Variants in TRPM3 observed in about 807,000 individuals in gnomAD.
The protein encoded by TRPM3 is transient receptor potential cation channel subfamily M member 3.
Under a neutral mutation model 181.2 loss-of-function variants are expected in TRPM3, and 77 were observed. The observed-to-expected ratio is 0.42, with a 90% CI of 0.35 to 0.51. The LOEUF (loss-of-function observed/expected upper bound fraction) is 0.51, where lower values mean the gene tolerates loss of function less well. TRPM3 is among the 20% of genes least tolerant of loss of function. The pLI, the probability that TRPM3 is intolerant of heterozygous loss-of-function variation, is 0.01. For missense variants in TRPM3, 1,759 were observed against 2,196.7 expected (o/e 0.80, Z 3.98); for synonymous variants, 745 against 796.4 (o/e 0.94, Z 1.09).
At chr9:70,670,177 C>A (rs1224881786) in intron 9 of TRPM3, among the ~76,000 whole-genome samples, 1 of 152,084 alleles carries the variant, frequency 6.6e-6, no homozygotes, top group Non-Finnish European at 1.5e-5. Context: ...TCATACCTAC[C>A]AGTTTGCCTG....
chr9:71,085,840 T>C (rs1262713553), intron 1 of TRPM3, among the ~76,000 whole-genome samples: 1 of 152,072 alleles, frequency 6.6e-6, no homozygotes, highest in African/African-American at 2.4e-5. Context: ...GCAATTCCAT[T>C]GCTGGTTATA....
intron 1 of TRPM3, among the ~76,000 whole-genome samples, chr9:71,349,995 ATATATATG>A (rs1287440469): frequency 0.019 from 451 of 23,814 alleles, 5 homozygotes; most frequent in Non-Finnish European, 0.024. Flanking sequence ...ATATATATAT[ATATATATG>A]GGCCTAAAAA....
Position 70,974,332 on chromosome 9 carries a change from G to A in TRPM3, c.178-109821C>T, listed in dbSNP as rs1590207107. 2.0e-5 allele frequency among the ~76,000 whole-genome samples: 3 copies of A among 152,230 alleles called. 1 individual carries two copies. Among genetic ancestry groups the A allele is most frequent in the Non-Finnish European group, 1.5e-5 (1 of 68,022 alleles). On this transcript the variant is annotated intron_variant, in intron 1 of 25. Coordinates refer to ENST00000677713, the MANE Select transcript of TRPM3 (RefSeq NM_001366145.2). ...AGGCGGGGGGATCACGAGGTCAGGAGATCGAGACCAGCCTGGCTAACACGG... is the reference window on the plus strand; with the variant it reads ...AGGCGGGGGGATCACGAGGTCAGGAAATCGAGACCAGCCTGGCTAACACGG...
rs201639927 is a variant in TRPM3 at position 70,621,288 on chromosome 9, G to A, written c.1810-15C>T. The stretch of plus-strand genomic sequence containing the variant: ...AAGGCTTTGGGCTGTTAAAAAAAAC[G>A]TTGTGAACAAAGTTAGATCAGTTAG... On this transcript the variant is annotated splice_polypyrimidine_tract_variant and intron_variant, in intron 14 of 25. Transcript: ENST00000677713. 759 of 1,593,512 alleles carry A rather than the reference G, an allele frequency of 4.8e-4. 1 individual carries two copies. Among genetic ancestry groups the A allele is most frequent in the Non-Finnish European group, 5.9e-4 (695 of 1,168,704 alleles).
At chr9:70,575,092 C>T (rs2053568979) in intron 22 of TRPM3, among the ~76,000 whole-genome samples, 1 of 148,116 alleles carries the variant, frequency 6.8e-6, no homozygotes, top group African/African-American at 2.5e-5. Context: ...CAGGTGTGTG[C>T]CACCACATCC....
At chr9:70,863,171 TA>T in intron 2 of TRPM3, 59 bp from the exon 3 acceptor site, 1 of 1,440,706 alleles carries the variant, frequency 6.9e-7, no homozygotes, top group Non-Finnish European at 9.6e-7. Flanking sequence ...GATACACACT[TA>T]AGGCAACCAG....
chr9:70,984,592 C>T lies in TRPM3; in HGVS notation c.178-120081G>A, dbSNP rs959787643. On this transcript the variant is annotated intron_variant, in intron 1 of 25. Coordinates refer to ENST00000677713, the MANE Select transcript of TRPM3 (RefSeq NM_001366145.2). ...GTGAAATGGGCCAGTGACCAGAAAA[C>T]AGATATTCTCAAGGATTATGCACAA... Among the ~76,000 whole-genome samples, 5 of 152,262 alleles carry T rather than the reference C, an allele frequency of 3.3e-5. No individual in the cohort carries two copies. The East Asian group carries it at 7.7e-4, about 23-fold the overall frequency.
At chr9:70,785,882 G>T (rs1308469562) in intron 6 of TRPM3, among the ~76,000 whole-genome samples, 4 of 152,156 alleles carry the variant, frequency 2.6e-5, no homozygotes, top group African/African-American at 9.7e-5. Context: ...GATGATTGTT[G>T]ATCAAGGCAA....
chr9:71,051,908 T>C (rs2060102126), intron 1 of TRPM3, among the ~76,000 whole-genome samples: 1 of 151,724 alleles, frequency 6.6e-6, no homozygotes, highest in African/African-American at 2.4e-5. Context: ...GTGAAGAACA[T>C]ACAAAAGCAG....
chr9:71,276,342 G>T (rs1279991023), intron 1 of TRPM3, among the ~76,000 whole-genome samples: 3 of 152,120 alleles, frequency 2.0e-5, no homozygotes, highest in African/African-American at 7.2e-5. Context: ...AAAATGGGTA[G>T]ATTATGAAGG....
At chr9:71,386,493 C>T (rs1186928712) in intron 1 of TRPM3, among the ~76,000 whole-genome samples, 3 of 151,488 alleles carry the variant, frequency 2.0e-5, no homozygotes, top group Non-Finnish European at 2.9e-5. Context: ...GAACACATTC[C>T]GAAGAGCTGA....
intron 1 of TRPM3, among the ~76,000 whole-genome samples, chr9:71,314,863 TAA>T (rs11414067): frequency 8.9e-5 from 12 of 134,990 alleles, no homozygotes; most frequent in South Asian, 4.8e-4. Flanking sequence ...AAGAGGAAAT[TAA>T]AAAAAAAAAA....
At chr9:71,285,543 A>C (rs181216415) in intron 1 of TRPM3, among the ~76,000 whole-genome samples, 15 of 152,294 alleles carry the variant, frequency 9.8e-5, no homozygotes, top group Non-Finnish European at 1.9e-4. Flanking sequence ...TTCACTTGGC[A>C]AACTCCAGAG....
intron 8 of TRPM3, among the ~76,000 whole-genome samples, chr9:70,692,646 T>A (rs2068944555): frequency 6.6e-6 from 1 of 152,224 alleles, no homozygotes; most frequent in African/African-American, 2.4e-5. Flanking sequence ...TCAGCTCTTA[T>A]TCCTCTCTAT....
intron 1 of TRPM3, among the ~76,000 whole-genome samples, chr9:71,300,554 T>C (rs938338893): frequency 2.0e-5 from 3 of 152,094 alleles, no homozygotes; most frequent in Admixed American, 6.6e-5. Flanking sequence ...AACAATGTCA[T>C]GAATGGTGAA....
intron 1 of TRPM3, among the ~76,000 whole-genome samples, chr9:71,298,503 A>T (rs1246840726): frequency 1.3e-5 from 2 of 152,100 alleles, no homozygotes; most frequent in East Asian, 3.9e-4. Flanking sequence ...AAGATATAAA[A>T]ATTTATGGTT....
intron 1 of TRPM3, among the ~76,000 whole-genome samples, chr9:70,881,852 T>C (rs2095999942): frequency 6.6e-6 from 1 of 152,200 alleles, no homozygotes; most frequent in Non-Finnish European, 1.5e-5. Context: ...ATTATCTCTT[T>C]ATTCCCTTGG....
rs546973866 is a variant in TRPM3 at position 70,910,896 on chromosome 9, T to C, written c.178-46385A>G. 4.1e-4 allele frequency among the ~76,000 whole-genome samples: 63 copies of C among 152,354 alleles called. 1 individual carries two copies. Among genetic ancestry groups the C allele is most frequent in the African/African-American group, 1.5e-3 (61 of 41,582 alleles). ...CTTTCAACTCTAACCTGTCTTTGAC[T>C]TTGCTGCAGCAATGAAAAATATCAC... On this transcript the variant is annotated intron_variant, in intron 1 of 25. Transcript: ENST00000677713.
In TRPM3 at chr9:70,965,641, G is replaced by A. The variant is rs191646672; in HGVS notation, c.178-101130C>T. The stretch of plus-strand genomic sequence containing the variant: ...CAGGGATAAGGCCTACTTGATCGTT[G>A]TGGATAAGCTTTTTGATATGCTGCT... On this transcript the variant is annotated intron_variant, in intron 1 of 25. Transcript: ENST00000677713. Among the ~76,000 whole-genome samples, 43 of 152,232 alleles carry A rather than the reference G, an allele frequency of 2.8e-4. 1 individual carries two copies. The highest frequency in any genetic ancestry group is 2.7e-3 in the Admixed American group (42 of 15,278).
Sources: gnomAD v4.1 joint callset for allele counts (sites outside exome capture counted in the v4.1 genomes callset) on GRCh38, gnomAD v4.1.1 for gene constraint, MANE v1.5 for transcripts, NCBI Gene and HGNC (gene_info 2026-07-23, HGNC 2026-07-21) for gene names.